Variants in ZNF385D observed in about 807,000 individuals in gnomAD.
ZNF385D encodes zinc finger protein 659.
A neutral mutation model predicts 35.8 loss-of-function variants in ZNF385D; 15 were observed. The ratio of observed to expected loss-of-function variants is 0.42; its 90% CI spans 0.28 to 0.64. The LOEUF (loss-of-function observed/expected upper bound fraction) is 0.64, where lower values mean the gene tolerates loss of function less well. Among genes scored for constraint, ZNF385D ranks in the 30% least tolerant of loss-of-function variants. The pLI, the probability that ZNF385D is intolerant of heterozygous loss-of-function variation, is 0.23. For missense variants in ZNF385D, 474 were observed against 494.6 expected (o/e 0.96, Z 0.39); for synonymous variants, 212 against 186.8 (o/e 1.13, Z -1.10).
At chr3:21,461,099 A>G (rs1006351617) in intron 4 of ZNF385D, among the ~76,000 whole-genome samples, 10 of 152,174 alleles carry the variant, frequency 6.6e-5, no homozygotes, top group Admixed American at 1.3e-4. Context: ...ACCACAATAT[A>G]TATTTCCCAT....
chr3:22,371,243 A>T (rs1696891273), intron 2 of ZNF385D, among the ~76,000 whole-genome samples: 1 of 152,186 alleles, frequency 6.6e-6, no homozygotes, highest in Admixed American at 6.5e-5. Flanking sequence ...GGTTTTAGAA[A>T]ACATCGTGAA....
intron 1 of ZNF385D, among the ~76,000 whole-genome samples, chr3:21,742,628 C>G (rs2069573730): frequency 6.6e-6 from 1 of 152,182 alleles, no homozygotes; most frequent in Admixed American, 6.5e-5. Context: ...GGGTATTTTT[C>G]TGTCTCTCTC....
Position 21,564,619 on chromosome 3 carries a change from C to G in ZNF385D, c.231G>C (p.Lys77Asn). The change falls in exon 3 of 8, where the codon AAG becomes AAC. Residue 77 changes from lysine to asparagine, a missense_variant. Transcript: ENST00000281523. ...TFGVPLPHRR[K>N]QIISCNICQL... Reference sequence around the variant, plus strand: ...GGCAAATGTTGCATGATATGATTTGCTTTCTTCGGTGGGGAAGAGGAACCC... The same window carrying G: ...GGCAAATGTTGCATGATATGATTTGGTTTCTTCGGTGGGGAAGAGGAACCC... 6.4e-7 allele frequency: 1 copy of G among 1,568,924 alleles called. No homozygotes were observed. Among genetic ancestry groups the G allele is most frequent in the South Asian group, 1.2e-5 (1 of 84,006 alleles).
chr3:22,092,631 G>A (rs1701391845), intron 3 of ZNF385D, among the ~76,000 whole-genome samples: 3 of 152,052 alleles, frequency 2.0e-5, no homozygotes, highest in African/African-American at 7.2e-5. Flanking sequence ...TATCAATTCA[G>A]CCTTATGGGT....
chr3:21,958,257 C>T (rs1361217267), intron 3 of ZNF385D, among the ~76,000 whole-genome samples: 1 of 152,008 alleles, frequency 6.6e-6, no homozygotes, highest in Non-Finnish European at 1.5e-5. Context: ...TTAAGAAGAC[C>T]TATATTTTGG....
intron 2 of ZNF385D, among the ~76,000 whole-genome samples, chr3:21,573,908 A>C (rs1234868851): frequency 6.6e-6 from 1 of 151,880 alleles, no homozygotes; most frequent in African/African-American, 2.4e-5. Context: ...AAAAATACAA[A>C]AATTAGCTGG....
intron 2 of ZNF385D, among the ~76,000 whole-genome samples, chr3:22,372,177 A>G (rs2125237532): frequency 6.6e-6 from 1 of 151,128 alleles, no homozygotes; most frequent in South Asian, 2.1e-4. Context: ...GTGACCTGAG[A>G]CCCTCCAGCT....
chr3:22,181,370 G>A (rs1234418770), intron 2 of ZNF385D, among the ~76,000 whole-genome samples: 4 of 151,986 alleles, frequency 2.6e-5, no homozygotes, highest in African/African-American at 9.7e-5. Context: ...TCTCCTGGAG[G>A]GTAGAACCTG....
intron 3 of ZNF385D, among the ~76,000 whole-genome samples, chr3:22,002,181 A>C (rs1008297455): frequency 6.6e-6 from 1 of 152,056 alleles, no homozygotes; most frequent in African/African-American, 2.4e-5. Flanking sequence ...AAGATAAATA[A>C]AATTAATGCA....
chr3:22,030,301 A>C lies in ZNF385D; in HGVS notation c.325+138516T>G, dbSNP rs1191593151. Among the ~76,000 whole-genome samples, 47 of 110,472 alleles carry C rather than the reference A, an allele frequency of 4.3e-4. 1 individual carries two copies. Among genetic ancestry groups the C allele is most frequent in the South Asian group, 1.6e-3 (5 of 3,206 alleles). The allele number at this position is 110,472 out of a possible 152,430, so 72.5% of individuals were successfully genotyped here. A position where few individuals can be genotyped will look rare whatever the true frequency, so the allele number is the denominator to read the frequency against. ...TATATATATATATATATATATATAT[A>C]TCCTATTTGGTCCATCCCTCGAAGA... On this transcript the variant is annotated intron_variant, in intron 3 of 5. Transcript: ENST00000494108.
chr3:21,522,137 T>G (rs777631600), intron 3 of ZNF385D, among the ~76,000 whole-genome samples: 1 of 152,148 alleles, frequency 6.6e-6, no homozygotes, highest in Non-Finnish European at 1.5e-5. Flanking sequence ...ATTATGGTTT[T>G]GGAGAAAAAA....
chr3:21,453,657 A>AC (rs1184007647), intron 4 of ZNF385D, among the ~76,000 whole-genome samples: 1 of 152,056 alleles, frequency 6.6e-6, no homozygotes, highest in Non-Finnish European at 1.5e-5. Flanking sequence ...CCATTTCACA[A>AC]CCACTAGGAT....
At chr3:22,139,456 T>C (rs547465038) in intron 3 of ZNF385D, among the ~76,000 whole-genome samples, 1 of 152,052 alleles carries the variant, frequency 6.6e-6, no homozygotes. Flanking sequence ...TGAGTTCATG[T>C]CCTTTGTAGG....
chr3:21,996,296 G>T (rs994715941), intron 3 of ZNF385D, among the ~76,000 whole-genome samples: 7 of 152,090 alleles, frequency 4.6e-5, no homozygotes, highest in Non-Finnish European at 1.0e-4. Context: ...TGGACTGCTG[G>T]GTATACTTCA....
In ZNF385D at chr3:21,974,927, G is replaced by A. The variant is rs116548700; in HGVS notation, c.325+193890C>T. Among the ~76,000 whole-genome samples, 1,239 of 152,254 alleles carry A rather than the reference G, an allele frequency of 8.1e-3. 13 individuals are homozygous for A. The highest frequency in any genetic ancestry group is 0.026 in the African/African-American group (1,079 of 41,550). On this transcript the variant is annotated intron_variant, in intron 3 of 5. Transcript: ENST00000494108. ...AAAAGACAGACAATAGCAAATGCTG[G>A]CAAGGAAGAGGAAAAACGGGAACCC...
chr3:22,093,174 T>G (rs2125606447), intron 3 of ZNF385D, among the ~76,000 whole-genome samples: 1 of 152,208 alleles, frequency 6.6e-6, no homozygotes, highest in South Asian at 2.1e-4. Context: ...AAAAAAAAAG[T>G]TGTTAATTGT....
At chr3:22,203,236 G>A (rs536449054) in intron 2 of ZNF385D, among the ~76,000 whole-genome samples, 1 of 152,082 alleles carries the variant, frequency 6.6e-6, no homozygotes, top group African/African-American at 2.4e-5. Flanking sequence ...AGAGATGCGA[G>A]GCCCTCATTC....
chr3:22,131,886 T>G (rs919323571), intron 3 of ZNF385D, among the ~76,000 whole-genome samples: 8 of 152,168 alleles, frequency 5.3e-5, no homozygotes, highest in African/African-American at 1.9e-4. Context: ...ATATGATTAT[T>G]TTGTAGCATT....
intron 3 of ZNF385D, among the ~76,000 whole-genome samples, chr3:21,830,791 A>G (rs1694944353): frequency 1.3e-5 from 2 of 152,234 alleles, no homozygotes; most frequent in African/African-American, 4.8e-5. Context: ...GTCTTGAGAA[A>G]AACAGAAAAT....
Sources: gnomAD v4.1 joint callset for allele counts (sites outside exome capture counted in the v4.1 genomes callset) on GRCh38, gnomAD v4.1.1 for gene constraint, MANE v1.5 for transcripts, NCBI Gene and HGNC (gene_info 2026-07-23, HGNC 2026-07-21) for gene names.